The following SMIM14 variants were observed in gnomAD, a reference collection of about 807,000 sequenced individuals.
SMIM14 encodes small integral membrane protein 14, also known as chromosome 4 open reading frame 34.
Under a neutral mutation model 12.6 loss-of-function variants are expected in SMIM14, and 5 were observed. That is an observed-to-expected ratio of 0.40 (90% confidence interval 0.21 to 0.83). The LOEUF (loss-of-function observed/expected upper bound fraction) is 0.83, where lower values mean the gene tolerates loss of function less well. Among genes scored for constraint, SMIM14 ranks in the 40% least tolerant of loss-of-function variants. The pLI, the probability that SMIM14 is intolerant of heterozygous loss-of-function variation, is 0.37. For missense variants in SMIM14, 86 were observed against 119.1 expected, an observed-to-expected ratio of 0.72 and a Z score of 1.29; for synonymous variants, 30 against 40.1, an observed-to-expected ratio of 0.75 and a Z score of 0.95.
chr4:39,584,288 C>T (rs961580511), intron 2 of SMIM14, among the ~76,000 whole-genome samples: 7 of 151,420 alleles, frequency 4.6e-5, no homozygotes, highest in African/African-American at 1.7e-4. Context: ...TTGAGACCAG[C>T]CTGGCCAACA....
chr4:39,586,184 G>C (rs1713775526), intron 2 of SMIM14, among the ~76,000 whole-genome samples: 1 of 151,914 alleles, frequency 6.6e-6, no homozygotes, highest in Non-Finnish European at 1.5e-5. Flanking sequence ...TTTGTTATGT[G>C]GACAGGCTGA....
chr4:39,637,825 C>T (rs1048324828), intron 1 of SMIM14, among the ~76,000 whole-genome samples: 8 of 152,170 alleles, frequency 5.3e-5, no homozygotes, highest in Non-Finnish European at 1.2e-4. Context: ...CTTACGCTTT[C>T]CAAGTTATAA....
chr4:39,556,248 G>T (rs1712007533), intron 4 of SMIM14, among the ~76,000 whole-genome samples, 180 bp downstream of exon 4: 1 of 151,966 alleles, frequency 6.6e-6, no homozygotes, highest in Admixed American at 6.6e-5. Context: ...ACTCCATAAA[G>T]ATTAAGCTGT....
Position 39,575,296 on chromosome 4 carries a change from G to A in SMIM14, c.76-2833C>T, listed in dbSNP as rs28445997. On this transcript the variant is annotated intron_variant, in intron 2 of 4. Coordinates refer to ENST00000295958, the MANE Select transcript of SMIM14 (RefSeq NM_174921.3). ...GAGCTCAAGCGATCTGCCAGCCTAC[G>A]CCTCCCAAAGTGCTGGGATTACAGG... Among the ~76,000 whole-genome samples, 705 of 152,074 alleles carry A rather than the reference G, an allele frequency of 4.6e-3. 5 individuals are homozygous for A. Among genetic ancestry groups the A allele is most frequent in the African/African-American group, 0.016 (661 of 41,508 alleles).
chr4:39,587,770 G>A (rs1713860334), intron 2 of SMIM14, among the ~76,000 whole-genome samples: 1 of 152,090 alleles, frequency 6.6e-6, no homozygotes, highest in South Asian at 2.1e-4. Context: ...GGAGGAAGAA[G>A]GAAGAAGAAA....
Position 39,574,237 on chromosome 4 carries a change from C to CTTTTTT in SMIM14, c.76-1780_76-1775dup, listed in dbSNP as rs11338888. On this transcript the variant is annotated intron_variant, in intron 2 of 4. Transcript: ENST00000295958. ...ATTTAAAGTCTGGTTCTGCAACTTT[C>CTTTTTT]TTTTTTTTTTTTTTTTTTTTCTTTT... Among the ~76,000 whole-genome samples, 672 of 126,504 alleles carry CTTTTTT rather than the reference C, an allele frequency of 5.3e-3. 1 individual carries two copies. The highest frequency in any genetic ancestry group is 9.3e-3 in the East Asian group (40 of 4,298). The allele number at this position is 126,504 out of a possible 152,430, so 83.0% of individuals were successfully genotyped here.
intron 1 of SMIM14, among the ~76,000 whole-genome samples, chr4:39,614,303 G>T (rs1715141727): frequency 1.3e-5 from 2 of 151,644 alleles, no homozygotes; most frequent in Non-Finnish European, 2.9e-5. Flanking sequence ...TGGGTTATAG[G>T]TTCTGGGGAG....
In SMIM14 at chr4:39,548,417, C is replaced by T; in HGVS notation, c.*3709G>A. ...CTATGTTGCCCAGGCTAGTCTCAAACTCCTGGGCTCAAGCAGTTCTTGCCT... is the reference window on the plus strand; with the variant it reads ...CTATGTTGCCCAGGCTAGTCTCAAATTCCTGGGCTCAAGCAGTTCTTGCCT... On this transcript the variant is annotated 3_prime_UTR_variant, in exon 5 of 5. Coordinates refer to ENST00000295958, the MANE Select transcript of SMIM14 (RefSeq NM_174921.3). The T allele has an allele frequency of 6.6e-6, 1 of 151,588 alleles. No homozygotes were observed. Among genetic ancestry groups the T allele is most frequent in the African/African-American group, 2.4e-5 (1 of 41,236 alleles). 9.4% of individuals were successfully genotyped at this position (151,588 alleles called of 1,614,324 possible). A position where few individuals can be genotyped will look rare whatever the true frequency, so the allele number is the denominator to read the frequency against.
At chr4:39,596,029 A>G (rs1714347049) in intron 2 of SMIM14, among the ~76,000 whole-genome samples, 1 of 152,150 alleles carries the variant, frequency 6.6e-6, no homozygotes, top group South Asian at 2.1e-4. Context: ...AAATACACTG[A>G]AGAGTATGCC....
intron 2 of SMIM14, among the ~76,000 whole-genome samples, chr4:39,597,912 G>A (rs1310295836): frequency 6.6e-6 from 1 of 152,156 alleles, no homozygotes; most frequent in Non-Finnish European, 1.5e-5. Context: ...TATGCAGGCA[G>A]GCTAAAGAGC....
intron 4 of SMIM14, among the ~76,000 whole-genome samples, chr4:39,555,727 T>C (rs1449636804): frequency 6.6e-6 from 1 of 151,964 alleles, no homozygotes; most frequent in Admixed American, 6.6e-5. Flanking sequence ...TTGAGAGAAA[T>C]AGGATGGGAA....
intron 3 of SMIM14, among the ~76,000 whole-genome samples, chr4:39,570,192 G>A (rs7696660): frequency 0.12 from 18,584 of 151,238 alleles, 2,609 homozygotes; most frequent in African/African-American, 0.34. Context: ...AGAGAGTCTC[G>A]CCCTGTCACC....
chr4:39,617,341 T>G (rs1249965121), intron 1 of SMIM14, among the ~76,000 whole-genome samples: 1 of 152,206 alleles, frequency 6.6e-6, no homozygotes, highest in Non-Finnish European at 1.5e-5. Flanking sequence ...TGTATACGAT[T>G]ATGTGTTTTC....
At chr4:39,613,682 T>C (rs560769243) in intron 1 of SMIM14, among the ~76,000 whole-genome samples, 1 of 152,354 alleles carries the variant, frequency 6.6e-6, no homozygotes, top group Admixed American at 6.5e-5. Flanking sequence ...AATGAGGTCT[T>C]TGATAGAAAG....
At chr4:39,561,029 A>AT (rs949430928) in intron 3 of SMIM14, among the ~76,000 whole-genome samples, 11 of 145,250 alleles carry the variant, frequency 7.6e-5, no homozygotes, top group South Asian at 4.2e-4. Flanking sequence ...TTCCAGAGTG[A>AT]TTTTTTTTTC....
At chr4:39,553,098 T>A (rs1201467814) in intron 4 of SMIM14, among the ~76,000 whole-genome samples, 2 of 151,764 alleles carry the variant, frequency 1.3e-5, no homozygotes, top group Non-Finnish European at 2.9e-5. Flanking sequence ...TCTCACTCTG[T>A]CGCCCAGGCT....
intron 1 of SMIM14, among the ~76,000 whole-genome samples, chr4:39,627,681 G>A (rs922147491): frequency 6.6e-6 from 1 of 152,048 alleles, no homozygotes; most frequent in African/African-American, 2.4e-5. Flanking sequence ...TGTTCCACTG[G>A]GGCCAAAGTT....
chr4:39,606,046 T>C (rs1485697732), intron 1 of SMIM14, among the ~76,000 whole-genome samples: 2 of 151,310 alleles, frequency 1.3e-5, no homozygotes, highest in East Asian at 4.0e-4. Context: ...CCAGAAACAA[T>C]TGTTTTTAAG....
intron 1 of SMIM14, 86 bp from the exon 2 acceptor site, chr4:39,605,266 A>C (rs1714763520): frequency 1.5e-6 from 1 of 664,936 alleles, no homozygotes; most frequent in African/African-American, 1.8e-5. Flanking sequence ...TATTGATTAC[A>C]TTCACAATAG....
Sources: gnomAD v4.1 joint callset for allele counts (sites outside exome capture counted in the v4.1 genomes callset) on GRCh38, gnomAD v4.1.1 for gene constraint, MANE v1.5 for transcripts, NCBI Gene and HGNC (gene_info 2026-07-23, HGNC 2026-07-21) for gene names.